The following ERC1 variants were observed in gnomAD, a reference collection of about 807,000 sequenced individuals.
The protein encoded by ERC1 is RAB6 interacting protein 2.
In ERC1, 56 loss-of-function variants were observed where a neutral mutation model predicts 132.0. The ratio of observed to expected loss-of-function variants is 0.42; its 90% CI spans 0.34 to 0.53. ERC1 has a LOEUF of 0.53. Among genes scored for constraint, ERC1 ranks in the 20% least tolerant of loss-of-function variants. ERC1 has a pLI of 0.03. For missense variants in ERC1, 1,202 were observed against 1,349.9 expected (o/e 0.89, Z 1.72); for synonymous variants, 478 against 476.1 (o/e 1.00, Z -0.05).
At chr12:1,194,513 A>T (rs184393243) in intron 12 of ERC1, among the ~76,000 whole-genome samples, 55 of 152,206 alleles carry the variant, frequency 3.6e-4, no homozygotes, top group African/African-American at 1.2e-3. Flanking sequence ...CTGCTTTTTC[A>T]CTCACGCTGT....
chr12:1,205,659 G>A (rs1006225327), intron 12 of ERC1, among the ~76,000 whole-genome samples: 14 of 152,138 alleles, frequency 9.2e-5, no homozygotes, highest in Non-Finnish European at 1.6e-4. Context: ...AGATTTTCCC[G>A]TTTCTAATCT....
intron 18 of ERC1, among the ~76,000 whole-genome samples, chr12:1,449,870 T>G (rs2093385823): frequency 6.6e-6 from 1 of 152,008 alleles, no homozygotes; most frequent in Non-Finnish European, 1.5e-5. Context: ...AAAGTAATTT[T>G]TTTTTGTTAT....
At position 1,157,359 on chromosome 12, in the gene ERC1, G is replaced by T. The variant is rs188875815; in HGVS notation, c.1737+15572G>T. 1.4e-4 allele frequency among the ~76,000 whole-genome samples: 21 copies of T among 152,244 alleles called. No homozygotes were observed. The East Asian group carries it at 3.5e-3, about 25-fold the overall frequency. ...GGCTCAAGCAGTCTGCCCTTGCCAA[G>T]GTTATTAAATAATTCATACATGCTT... is the stretch of plus-strand genomic sequence containing the variant. On this transcript the variant is annotated intron_variant, in intron 8 of 18. Coordinates refer to ENST00000360905, the MANE Select transcript of ERC1 (RefSeq NM_178040.4).
intron 8 of ERC1, among the ~76,000 whole-genome samples, chr12:1,157,882 T>C (rs1050368655): frequency 2.0e-5 from 3 of 152,238 alleles, no homozygotes; most frequent in Non-Finnish European, 4.4e-5. Context: ...ACTTGTTCAA[T>C]ATGGCCCCAC....
At chr12:996,681 A>G (rs1341502484) in intron 1 of ERC1, among the ~76,000 whole-genome samples, 1 of 152,172 alleles carries the variant, frequency 6.6e-6, no homozygotes, top group Non-Finnish European at 1.5e-5. Context: ...GTTGTTGTTA[A>G]TTTTATGTAC....
chr12:1,455,584 G>T (rs2093515338), intron 18 of ERC1, among the ~76,000 whole-genome samples: 1 of 152,288 alleles, frequency 6.6e-6, no homozygotes, highest in Non-Finnish European at 1.5e-5. Context: ...TGTGGGACAG[G>T]AAGCCTTGTT....
At chr12:1,322,957 G>A (rs1003692492) in intron 15 of ERC1, among the ~76,000 whole-genome samples, 19 of 152,124 alleles carry the variant, frequency 1.2e-4, no homozygotes, top group Admixed American at 9.8e-4. Flanking sequence ...TGCCCTGACA[G>A]TGGATGATAC....
At chr12:1,224,568 C>T (rs2074407322) in intron 12 of ERC1, among the ~76,000 whole-genome samples, 1 of 151,458 alleles carries the variant, frequency 6.6e-6, no homozygotes, top group Non-Finnish European at 1.5e-5. Flanking sequence ...CTGATATAGG[C>T]AAACAACCTA....
intron 17 of ERC1, among the ~76,000 whole-genome samples, chr12:1,413,453 G>A (rs987518526): frequency 2.6e-5 from 4 of 151,996 alleles, no homozygotes; most frequent in Non-Finnish European, 5.9e-5. Flanking sequence ...AATTAGCTGG[G>A]TGTCATGGCA....
chr12:1,480,393 G>A (rs889533914), intron 18 of ERC1, among the ~76,000 whole-genome samples: 6 of 152,184 alleles, frequency 3.9e-5, no homozygotes, highest in Non-Finnish European at 8.8e-5. Flanking sequence ...AAACTTCAGT[G>A]CTGCCCGTAA....
intron 16 of ERC1, chr12:1,390,744 C>T (rs2089890186): frequency 6.6e-6 from 1 of 152,214 alleles, no homozygotes; most frequent in African/African-American, 2.4e-5. Flanking sequence ...CAAATTACTA[C>T]AAGAACTGGG....
At position 1,399,002 on chromosome 12, in the gene ERC1, A is replaced by G. The variant is rs1406890509; in HGVS notation, c.2926-9147A>G. 4.6e-5 allele frequency among the ~76,000 whole-genome samples: 6 copies of G among 131,560 alleles called. No individual in the cohort carries two copies. In the East Asian group the frequency reaches 1.1e-3, roughly 23 times the overall value. 86.3% of individuals were successfully genotyped at this position (131,560 alleles called of 152,430 possible). A position where few individuals can be genotyped will look rare whatever the true frequency, so the allele number is the denominator to read the frequency against. The stretch of plus-strand genomic sequence containing the variant: ...ACTCTGTCAACCAGGCTGGAGAGCA[A>G]TGGTGCGATCATGACCCAAGGCAGC... On this transcript the variant is annotated intron_variant, in intron 16 of 18. Coordinates refer to ENST00000360905, the MANE Select transcript of ERC1 (RefSeq NM_178040.4).
intron 17 of ERC1, among the ~76,000 whole-genome samples, chr12:1,420,294 GA>G (rs1647676399): frequency 6.6e-6 from 1 of 152,000 alleles, no homozygotes; most frequent in Non-Finnish European, 1.5e-5. Context: ...ATTCAATAGA[GA>G]TACAAATTTG....
At chr12:1,046,913 C>CA (rs1274991611) in intron 2 of ERC1, among the ~76,000 whole-genome samples, 6 of 152,184 alleles carry the variant, frequency 3.9e-5, no homozygotes, top group African/African-American at 1.4e-4. Context: ...GGATGTGACG[C>CA]ACCCTTCACA....
At chr12:1,401,593 C>A (rs964165737) in intron 16 of ERC1, among the ~76,000 whole-genome samples, 4 of 152,050 alleles carry the variant, frequency 2.6e-5, no homozygotes, top group African/African-American at 9.7e-5. Flanking sequence ...GTTATTTAGG[C>A]TCTCTGTACC....
chr12:1,012,472 T>TC (rs1491286070), intron 1 of ERC1, among the ~76,000 whole-genome samples: 2 of 930 alleles, frequency 2.2e-3, no homozygotes, highest in African/African-American at 3.5e-3. Context: ...ATATTTAATC[T>TC]TTTTTTTTTT....
At chr12:1,098,480 A>T (rs1944305905) in intron 3 of ERC1, among the ~76,000 whole-genome samples, 1 of 152,212 alleles carries the variant, frequency 6.6e-6, no homozygotes, top group African/African-American at 2.4e-5. Flanking sequence ...ATACTTCCGC[A>T]CTAGAACAGT....
At chr12:1,180,302 C>T (rs939284758) in intron 8 of ERC1, among the ~76,000 whole-genome samples, 6 of 139,432 alleles carry the variant, frequency 4.3e-5, no homozygotes, top group Non-Finnish European at 7.4e-5. Context: ...CGTGTGCGCG[C>T]GCGCATACAC....
chr12:1,003,359 C>T (rs1962848199), intron 1 of ERC1, among the ~76,000 whole-genome samples: 1 of 152,016 alleles, frequency 6.6e-6, no homozygotes, highest in African/African-American at 2.4e-5. Context: ...AAATAGAATT[C>T]TAAGATCAAT....
Sources: gnomAD v4.1 joint callset for allele counts (sites outside exome capture counted in the v4.1 genomes callset) on GRCh38, gnomAD v4.1.1 for gene constraint, MANE v1.5 for transcripts, NCBI Gene and HGNC (gene_info 2026-07-23, HGNC 2026-07-21) for gene names.